Variants in U2AF2 observed in about 807,000 individuals in gnomAD.
The protein encoded by U2AF2 is splicing factor U2AF 65 kDa subunit.
In U2AF2, 6 loss-of-function variants were observed where a neutral mutation model predicts 52.6. That is an observed-to-expected ratio of 0.11 (90% CI 0.06 to 0.23). The LOEUF (loss-of-function observed/expected upper bound fraction) is 0.23, where lower values mean the gene tolerates loss of function less well. Ranked by LOEUF, U2AF2 falls within the 10% of genes least tolerant of loss-of-function variation. The pLI, the probability that U2AF2 is intolerant of heterozygous loss-of-function variation, is 1.00. For synonymous variants in U2AF2, 284 were observed against 258.2 expected (o/e 1.10, Z -0.96); for missense variants, 222 against 677.1 (o/e 0.33, Z 7.46).
chr19:55,669,715 GCT>G, intron 11 of U2AF2, 23 bp downstream of exon 11: 1 of 1,579,376 alleles, frequency 6.3e-7, no homozygotes, highest in Non-Finnish European at 8.6e-7. Context: ...CGGGCTCAGT[GCT>G]CTCTCACCCT....
intron 1 of U2AF2, among the ~76,000 whole-genome samples, chr19:55,655,392 C>T (rs1311684773): frequency 1.3e-5 from 2 of 152,172 alleles, no homozygotes; most frequent in African/African-American, 2.4e-5. Flanking sequence ...GCTGTCCCTG[C>T]GCCCCACGTG....
chr19:55,668,445 T>C lies in U2AF2; in HGVS notation c.743-62T>C, dbSNP rs561646428. On this transcript the variant is annotated intron_variant, in intron 7 of 11. Coordinates refer to ENST00000308924, the MANE Select transcript of U2AF2 (RefSeq NM_007279.3). This position sits in a 1 kb window ranked among gnomAD's most constrained non-coding sequence, Gnocchi z 5.5. ...GGCAATTGAGGAGCTCGCCGTAGACTGTCCAGGTTTTGGGAGATAACCTGG... is the reference window on the plus strand; with the variant it reads ...GGCAATTGAGGAGCTCGCCGTAGACCGTCCAGGTTTTGGGAGATAACCTGG... 255 of 1,474,848 alleles carry C rather than the reference T, an allele frequency of 1.7e-4. 1 individual carries two copies. The South Asian group carries it at 3.1e-3, about 18-fold the overall frequency. 91.4% of individuals were successfully genotyped at this position (1,474,848 alleles called of 1,614,324 possible). A position where few individuals can be genotyped will look rare whatever the true frequency, so the allele number is the denominator to read the frequency against.
intron 1 of U2AF2, among the ~76,000 whole-genome samples, chr19:55,656,853 A>G (rs1333108426): frequency 1.3e-5 from 2 of 152,370 alleles, no homozygotes; most frequent in African/African-American, 4.8e-5. Flanking sequence ...GTAAAATTCC[A>G]TGCTTAGAGA....
At chr19:55,657,955 C>T (rs375114033) in intron 1 of U2AF2, among the ~76,000 whole-genome samples, 7 of 152,184 alleles carry the variant, frequency 4.6e-5, no homozygotes, top group African/African-American at 9.7e-5. Context: ...AGTACAGATT[C>T]CGGTTGTAGG....
intron 5 of U2AF2, chr19:55,661,458 G>A (rs1984188021): frequency 4.6e-6 from 2 of 432,008 alleles, no homozygotes; most frequent in East Asian, 7.6e-5. Flanking sequence ...GTACCCACGT[G>A]TTGTACCTAC....
At position 55,661,028 on chromosome 19, in the gene U2AF2, C is replaced by T. The variant is rs562997707; in HGVS notation, c.335-10C>T. Reference sequence around the variant, plus strand: ...GATGGGGTTTTATCCGGCTTTTATTCCCTTTGAAGCTGCGGGTCAGATTCC... The same window carrying T: ...GATGGGGTTTTATCCGGCTTTTATTTCCTTTGAAGCTGCGGGTCAGATTCC... On this transcript the variant is annotated splice_polypyrimidine_tract_variant and intron_variant, in intron 4 of 11. Transcript: ENST00000308924. The T allele has an allele frequency of 1.9e-6, 3 of 1,570,432 alleles. No individual in the cohort carries two copies. Among genetic ancestry groups the T allele is most frequent in the East Asian group, 2.3e-5 (1 of 43,028 alleles).
At chr19:55,659,458 G>A (rs572867432) in intron 2 of U2AF2, 113 bp downstream of exon 2, 12 of 1,286,926 alleles carry the variant, frequency 9.3e-6, no homozygotes, top group East Asian at 3.1e-5. Context: ...TGTGTGGCTC[G>A]TTCGTTCTTT....
Position 55,659,317 on chromosome 19 carries a change from A to G in U2AF2, c.157A>G (p.Ser53Gly). The change falls in exon 2 of 12, where the codon AGC (serine) becomes GGC (glycine). Residue 53 changes from serine (S) to glycine (G), a missense_variant. This residue lies in a region of U2AF2 where 100 missense variants were observed against 144.1 expected (regional missense o/e 0.69). Transcript: ENST00000308924. ...SRDRRNRDQR[S>G]ASRDRRRRSK... The stretch of plus-strand genomic sequence containing the variant: ...CGACCGGCGCAACCGGGACCAGCGG[A>G]GCGCCTCCCGGGACAGGCGACGACG... 6.4e-7 allele frequency: 1 copy of G among 1,573,938 alleles called. No individual in the cohort carries two copies. The highest frequency in any genetic ancestry group is 1.8e-5 in the Admixed American group (1 of 55,126).
chr19:55,672,145 A>T (rs1984960943), intron 11 of U2AF2: 1 of 151,958 alleles, frequency 6.6e-6, no homozygotes, highest in Non-Finnish European at 1.5e-5. Context: ...AAAAAAAAAA[A>T]ATTACTGCAT....
At chr19:55,657,156 C>G (rs1411848824) in intron 1 of U2AF2, among the ~76,000 whole-genome samples, 1 of 152,212 alleles carries the variant, frequency 6.6e-6, no homozygotes, top group East Asian at 1.9e-4. Flanking sequence ...CACCGGTTCT[C>G]CCGGGGTTTC....
In U2AF2 at chr19:55,669,163, C is replaced by T; in HGVS notation, c.1026C>T (p.Ala342=). 1 of 1,613,978 alleles carries T rather than the reference C, an allele frequency of 6.2e-7. No individual in the cohort carries two copies. The highest frequency in any genetic ancestry group is 8.5e-7 in the Non-Finnish European group (1 of 1,179,964). ...GGGCGAGTGTGGGAGCCAAGAATGC[C>T]ACGCTGGTGAGCCCCCCGGCACGTC... is the stretch of plus-strand genomic sequence containing the variant. ...VQRASVGAKN[A]TLVSPPSTIN... is the part of the protein sequence containing the mutation. The change falls in exon 10 of 12, where the codon GCC becomes GCT. Residue 342 remains alanine, a synonymous_variant. Coordinates refer to ENST00000308924, the MANE Select transcript of U2AF2 (RefSeq NM_007279.3).
rs889486921 is a variant in U2AF2, at chr19:55,655,091, G to T, written c.-14G>T. 3 of 1,606,074 alleles carry T rather than the reference G, an allele frequency of 1.9e-6. No individual in the cohort carries two copies. Among genetic ancestry groups the T allele is most frequent in the Non-Finnish European group, 2.5e-6 (3 of 1,177,390 alleles). The stretch of plus-strand genomic sequence containing the variant: ...AGGCGAAAGCTGCACAGGGCCCTAC[G>T]CGGCCGCCTCAGCATGTCGGACTTC... On this transcript the variant is annotated 5_prime_UTR_variant, in exon 1 of 12. Transcript: ENST00000308924.
At chr19:55,659,400 G>A in intron 2 of U2AF2, 55 bp downstream of exon 2, 1 of 1,430,606 alleles carries the variant, frequency 7.0e-7, no homozygotes, top group South Asian at 1.5e-5. Flanking sequence ...GGTCGGTGTT[G>A]GCCGGCCTGT....
At chr19:55,661,250 C>G in intron 5 of U2AF2, 61 bp downstream of exon 5, 1 of 1,425,450 alleles carries the variant, frequency 7.0e-7, no homozygotes, top group Non-Finnish European at 9.3e-7. Flanking sequence ...CCTCCCCTTC[C>G]CTCCATTCCC....
chr19:55,664,804 G>A (rs978369476), intron 7 of U2AF2, among the ~76,000 whole-genome samples: 2 of 152,054 alleles, frequency 1.3e-5, no homozygotes, highest in African/African-American at 2.4e-5. Context: ...TGCATCCTCC[G>A]CCTCTAGGGT....
At chr19:55,667,321 C>A (rs533561731) in intron 7 of U2AF2, among the ~76,000 whole-genome samples, 1 of 152,288 alleles carries the variant, frequency 6.6e-6, no homozygotes, top group African/African-American at 2.4e-5. Flanking sequence ...GATGGGGCCA[C>A]TCACACTTGG....
In U2AF2 at chr19:55,660,160, T is replaced by TTC; in HGVS notation, c.186-17_186-16insTC. ...CCCCAGTCACCCCTCCCCATACCTT[T>TTC]CCCTCCCACCCCCCAGCAAACCTTT... On this transcript the variant is annotated splice_polypyrimidine_tract_variant and intron_variant, in intron 2 of 11. Transcript: ENST00000308924. The TTC allele has an allele frequency of 2.5e-6, 4 of 1,595,004 alleles. No individual in the cohort carries two copies. Among genetic ancestry groups the TTC allele is most frequent in the Admixed American group, 3.5e-5 (2 of 57,690 alleles).
At chr19:55,669,005 T>G in intron 9 of U2AF2, 78 bp from the exon 10 acceptor site, 1 of 1,540,810 alleles carries the variant, frequency 6.5e-7, no homozygotes, top group Non-Finnish European at 8.8e-7. Context: ...ATGCCCCGGC[T>G]TGGGGGTAGG....
At position 55,668,715 on chromosome 19, in the gene U2AF2, C is replaced by T; in HGVS notation, c.868C>T (p.Leu290=). ...CTTTGGGCCCCTCAAGGCCTTCAACCTGGTCAAGGACAGTGCCACGGGGCT... is the reference window on the plus strand; with the variant it reads ...CTTTGGGCCCCTCAAGGCCTTCAACTTGGTCAAGGACAGTGCCACGGGGCT... ...TSFGPLKAFN[L]VKDSATGLSK... Residue 290 remains leucine (L), a synonymous_variant, in exon 9 of 12, where the codon CTG becomes TTG. Coordinates refer to ENST00000308924, the MANE Select transcript of U2AF2 (RefSeq NM_007279.3). The surrounding 1 kb of genome is among the most constrained non-coding windows in gnomAD (Gnocchi z 5.5). 1 of 1,613,836 alleles carries T rather than the reference C, an allele frequency of 6.2e-7. No individual in the cohort carries two copies. Among genetic ancestry groups the T allele is most frequent in the South Asian group, 1.1e-5 (1 of 91,080 alleles).
Sources: allele counts gnomAD v4.1 joint callset (sites outside exome capture counted in the v4.1 genomes callset), GRCh38; gene constraint gnomAD v4.1.1; regional missense constraint gnomAD v4.1.1; non-coding constraint Gnocchi (gnomAD v3.1); transcripts MANE v1.5; gene names NCBI Gene and HGNC (gene_info 2026-07-23, HGNC 2026-07-21).